SLC39A11: variants seen among roughly 807,000 people sequenced by gnomAD.
SLC39A11 encodes the protein zinc transporter ZIP11.
SLC39A11 carries 33 observed loss-of-function variants against 36.1 expected under a neutral mutation model. The observed-to-expected ratio is 0.91, with a 90% CI of 0.69 to 1.22. SLC39A11 has a LOEUF of 1.22. Ranked by LOEUF, SLC39A11 falls within the 50% of genes most tolerant of loss-of-function variation. SLC39A11 has a pLI of 0.00. For synonymous variants in SLC39A11, 166 were observed against 170.3 expected, an observed-to-expected ratio of 0.97 and a Z score of 0.20; for missense variants, 432 against 430.3, an observed-to-expected ratio of 1.00 and a Z score of -0.03.
At chr17:72,815,313 A>G (rs2077547444) in intron 6 of SLC39A11, among the ~76,000 whole-genome samples, 1 of 152,214 alleles carries the variant, frequency 6.6e-6, no homozygotes, top group South Asian at 2.1e-4. Context: ...ACAGACTCGG[A>G]AAGCTCCAGA....
intron 6 of SLC39A11, among the ~76,000 whole-genome samples, chr17:72,776,395 G>C (rs930440504): frequency 2.0e-5 from 3 of 152,022 alleles, no homozygotes; most frequent in African/African-American, 7.3e-5. Context: ...ACACTTTCCA[G>C]TATTGGCCTT....
intron 5 of SLC39A11, among the ~76,000 whole-genome samples, chr17:72,945,043 A>AGATGGACGGATGGATGGATG (rs141534006): frequency 7.9e-5 from 12 of 151,064 alleles, no homozygotes; most frequent in African/African-American, 2.9e-4. Flanking sequence ...AGCTAATTGG[A>AGATGGACGGATGGATGGATG]GATGGATGGA....
chr17:72,817,360 G>A (rs559598389), intron 6 of SLC39A11, among the ~76,000 whole-genome samples: 10 of 148,890 alleles, frequency 6.7e-5, no homozygotes, highest in African/African-American at 2.0e-4. Flanking sequence ...GGGGGAGGAG[G>A]AGGAGGAGGA....
chr17:73,013,996 G>C (rs2090671480), intron 4 of SLC39A11, among the ~76,000 whole-genome samples: 2 of 152,186 alleles, frequency 1.3e-5, no homozygotes, highest in Admixed American at 1.3e-4. Flanking sequence ...GCTGTGCCTT[G>C]GCAATCGTAA....
chr17:72,669,042 G>A (rs1285480582), intron 7 of SLC39A11, among the ~76,000 whole-genome samples: 1 of 152,186 alleles, frequency 6.6e-6, no homozygotes, highest in Admixed American at 6.5e-5. Context: ...AGGACATTGG[G>A]AATGTTAAGA....
intron 6 of SLC39A11, among the ~76,000 whole-genome samples, chr17:72,793,115 G>T (rs2076770831): frequency 6.6e-6 from 1 of 152,202 alleles, no homozygotes; most frequent in Non-Finnish European, 1.5e-5. Context: ...GTAAGTCAGG[G>T]AGTGAGGAGC....
At chr17:72,805,740 C>T (rs1264782271) in intron 6 of SLC39A11, among the ~76,000 whole-genome samples, 1 of 149,222 alleles carries the variant, frequency 6.7e-6, no homozygotes, top group Non-Finnish European at 1.5e-5. Flanking sequence ...ATTTTTTTTT[C>T]TTTTTCTTTT....
At chr17:72,649,639 TTTTTC>T (rs2069755638) in intron 7 of SLC39A11, among the ~76,000 whole-genome samples, 1 of 128,734 alleles carries the variant, frequency 7.8e-6, no homozygotes. Flanking sequence ...TCTTTTTTTC[TTTTTC>T]TTTTTTTTTT....
rs115134226 is a variant in SLC39A11 at position 72,856,553 on chromosome 17, C to G, written c.431-6749G>C. ...AGTTTTAGCCTCAAATTTTAAAATT[C>G]CTTTTTGAGATTCCTCAAGACATTA... On this transcript the variant is annotated intron_variant, in intron 5 of 9. Transcript: ENST00000255559. Among the ~76,000 whole-genome samples the G allele has an allele frequency of 2.6e-3, 402 of 152,182 alleles. 2 individuals are homozygous for G. The highest frequency in any genetic ancestry group is 8.9e-3 in the African/African-American group (368 of 41,530).
intron 3 of SLC39A11, among the ~76,000 whole-genome samples, chr17:73,042,950 C>T (rs2059157398): frequency 6.6e-6 from 1 of 152,210 alleles, no homozygotes; most frequent in Admixed American, 6.5e-5. Flanking sequence ...ACGGCCAACA[C>T]TCTGCCAGAC....
In SLC39A11 at chr17:72,790,461, C is replaced by T. The variant is rs547064808; in HGVS notation, c.602-53742G>A. 1.8e-4 allele frequency among the ~76,000 whole-genome samples: 28 copies of T among 152,230 alleles called. 1 individual carries two copies. Among genetic ancestry groups the T allele is most frequent in the Middle Eastern group, 3.4e-3 (1 of 294 alleles). On this transcript the variant is annotated intron_variant, in intron 6 of 9. Transcript: ENST00000255559. ...CTTCACACCATGGACAGACCTGAAG[C>T]GCTGCTTCTCCAAGGAATGAGAAGA...
intron 4 of SLC39A11, among the ~76,000 whole-genome samples, chr17:72,951,842 T>C (rs1031868462): frequency 6.6e-6 from 1 of 152,188 alleles, no homozygotes; most frequent in African/African-American, 2.4e-5. Context: ...GTATTTGTTC[T>C]TCCCTTACTT....
chr17:73,035,281 C>T (rs1287201475), intron 3 of SLC39A11, among the ~76,000 whole-genome samples: 1 of 152,178 alleles, frequency 6.6e-6, no homozygotes, highest in African/African-American at 2.4e-5. Flanking sequence ...GCTGGGATTA[C>T]AGGCATGAGC....
At chr17:72,708,227 G>C (rs1452743825) in intron 7 of SLC39A11, among the ~76,000 whole-genome samples, 1 of 152,224 alleles carries the variant, frequency 6.6e-6, no homozygotes, top group Non-Finnish European at 1.5e-5. Context: ...TTTTGGATGA[G>C]ATAAGCATTT....
At chr17:72,970,427 C>A (rs911131241) in intron 4 of SLC39A11, among the ~76,000 whole-genome samples, 1 of 152,224 alleles carries the variant, frequency 6.6e-6, no homozygotes, top group Non-Finnish European at 1.5e-5. Flanking sequence ...CCACATCACA[C>A]CAACACGGGT....
intron 1 of SLC39A11, among the ~76,000 whole-genome samples, chr17:73,091,196 G>A (rs1300734135): frequency 6.6e-6 from 1 of 152,192 alleles, no homozygotes; most frequent in Non-Finnish European, 1.5e-5. Flanking sequence ...GGGAGGCCAA[G>A]ACGGGCAGAT....
chr17:72,791,451 CA>C (rs1256887304), intron 6 of SLC39A11, among the ~76,000 whole-genome samples: 14 of 152,122 alleles, frequency 9.2e-5, no homozygotes, highest in African/African-American at 3.4e-4. Context: ...AACTCTGTCT[CA>C]AAACAAACAA....
At chr17:72,718,425 C>A (rs2073504360) in intron 7 of SLC39A11, among the ~76,000 whole-genome samples, 2 of 152,108 alleles carry the variant, frequency 1.3e-5, no homozygotes, top group Admixed American at 1.3e-4. Context: ...GGCAACAGAG[C>A]AAGACTCCAT....
intron 6 of SLC39A11, among the ~76,000 whole-genome samples, chr17:72,754,033 TATATATATATATACACATACAC>T (rs1568034436): frequency 8.6e-6 from 1 of 116,852 alleles, no homozygotes; most frequent in African/African-American, 3.7e-5. Context: ...TATATATATA[TATATATATATATACACATACAC>T]ACACACACAC....
Sources: allele counts gnomAD v4.1 joint callset (sites outside exome capture counted in the v4.1 genomes callset), GRCh38; gene constraint gnomAD v4.1.1; transcripts MANE v1.5; gene names NCBI Gene and HGNC (gene_info 2026-07-23, HGNC 2026-07-21).